SPATA6: variants seen among roughly 807,000 people sequenced by gnomAD.
SPATA6 encodes spermatogenesis-associated protein 6.
In SPATA6, 56 loss-of-function variants were observed where a neutral mutation model predicts 65.3. That is an observed-to-expected ratio of 0.86 (90% CI 0.69 to 1.07). The LOEUF (loss-of-function observed/expected upper bound fraction) is 1.07, where lower values mean the gene tolerates loss of function less well. Ranked by LOEUF, SPATA6 falls within the 50% of genes least tolerant of loss-of-function variation. The probability of loss-of-function intolerance (pLI) is 0.00; values close to 1 mark genes in which losing one functional copy is unlikely to be tolerated. For missense variants in SPATA6, 590 were observed against 594.8 expected (o/e 0.99, Z 0.08); for synonymous variants, 199 against 213.2 (o/e 0.93, Z 0.58).
At chr1:48,363,248 A>G (rs1570303075) in intron 9 of SPATA6, among the ~76,000 whole-genome samples, 1 of 152,170 alleles carries the variant, frequency 6.6e-6, no homozygotes, top group East Asian at 1.9e-4. Context: ...CCTTAGCTTA[A>G]AAAATGTTTC....
At chr1:48,408,476 A>G (rs76218052) in intron 5 of SPATA6, among the ~76,000 whole-genome samples, 3,764 of 152,290 alleles carry the variant, frequency 0.025, 99 homozygotes, top group African/African-American at 0.067. Context: ...TTATATACAT[A>G]TTTTACAATT....
chr1:48,267,492 A>G, the SPATA6 span, among the ~76,000 whole-genome samples: 6 of 151,974 alleles, frequency 3.9e-5, no homozygotes, highest in Non-Finnish European at 8.8e-5. Context: ...AGATCTCAGC[A>G]GATGGATGGG....
chr1:48,325,405 G>C (rs1358207078), intron 11 of SPATA6: 2 of 1,373,376 alleles, frequency 1.5e-6, no homozygotes, highest in Non-Finnish European at 1.0e-6. Context: ...AAGGAGCCAG[G>C]GCCCTCCCCC....
In SPATA6 at chr1:48,411,592, C is replaced by T; in HGVS notation, c.281-4G>A. The T allele has an allele frequency of 1.9e-6, 3 of 1,558,422 alleles. No homozygotes were observed. The highest frequency in any genetic ancestry group is 2.6e-6 in the Non-Finnish European group (3 of 1,154,990). On this transcript the variant is annotated splice_polypyrimidine_tract_variant and splice_region_variant and intron_variant, in intron 4 of 12. Transcript: ENST00000371847. ...TACGTAGACAGTGTTTCACCCACTA[C>T]AAGAAAGATACCCTATGATTCAAAT...
At chr1:48,364,056 G>GT (rs1483776987) in intron 9 of SPATA6, among the ~76,000 whole-genome samples, 2 of 151,900 alleles carry the variant, frequency 1.3e-5, no homozygotes, top group Non-Finnish European at 2.9e-5. Context: ...GTGGTGTTTG[G>GT]TTTTTTGTCC....
intron 3 of SPATA6, among the ~76,000 whole-genome samples, chr1:48,433,883 C>T (rs1654631846): frequency 6.6e-6 from 1 of 152,158 alleles, no homozygotes; most frequent in South Asian, 2.1e-4. Context: ...CAGGTAAGAA[C>T]TAATTCCTAG....
chr1:48,267,752 GTTTTTTTTTTTT>G, the SPATA6 span, among the ~76,000 whole-genome samples: 6 of 72,676 alleles, frequency 8.3e-5, no homozygotes, highest in Non-Finnish European at 1.4e-4. Flanking sequence ...TAGGGTCTGG[GTTTTTTTTTTTT>G]TTTTTTTTTT....
At chr1:48,351,084 ATTTTAGCT>A (rs1433638193) in intron 11 of SPATA6, among the ~76,000 whole-genome samples, 3 of 151,924 alleles carry the variant, frequency 2.0e-5, no homozygotes, top group African/African-American at 7.2e-5. Context: ...TATTGTTAGA[ATTTTAGCT>A]AAGCACTTAA....
intron 11 of SPATA6, among the ~76,000 whole-genome samples, chr1:48,341,596 G>C (rs1213982372): frequency 2.6e-5 from 4 of 152,150 alleles, no homozygotes; most frequent in African/African-American, 9.7e-5. Context: ...ATATGCCAAA[G>C]CAAATCAGTA....
At chr1:48,392,785 A>G (rs1167311484) in intron 8 of SPATA6, among the ~76,000 whole-genome samples, 1 of 152,156 alleles carries the variant, frequency 6.6e-6, no homozygotes, top group South Asian at 2.1e-4. Context: ...AATTTCTATT[A>G]AAGTAAAATC....
rs202223980 is a variant in SPATA6, at chr1:48,301,502, T to TA, written c.1287-2610dup. Among the ~76,000 whole-genome samples the TA allele has an allele frequency of 4.1e-3, 609 of 148,162 alleles. 7 individuals are homozygous for TA. The South Asian group carries it at 0.044, about 11-fold the overall frequency. On this transcript the variant is annotated intron_variant, in intron 12 of 12. Coordinates refer to ENST00000371847, the MANE Select transcript of SPATA6 (RefSeq NM_019073.4). ...ATGACATTCTACACAGCAATAATAA[T>TA]AAAAAAATCCTAAAATTTATTTGGA... is the stretch of plus-strand genomic sequence containing the variant.
intron 3 of SPATA6, among the ~76,000 whole-genome samples, chr1:48,414,826 A>T (rs968459671): frequency 2.0e-5 from 3 of 152,244 alleles, no homozygotes; most frequent in Admixed American, 6.5e-5. Flanking sequence ...GCAAAAAAAC[A>T]GTTTGAAGAG....
chr1:48,449,774 G>A (rs1656394362), intron 3 of SPATA6, among the ~76,000 whole-genome samples: 1 of 152,176 alleles, frequency 6.6e-6, no homozygotes, highest in South Asian at 2.1e-4. Context: ...ATTTTGTTAG[G>A]TGTGATACCA....
chr1:48,437,956 C>T (rs1482214627), intron 3 of SPATA6, among the ~76,000 whole-genome samples: 1 of 150,794 alleles, frequency 6.6e-6, no homozygotes. Flanking sequence ...TGTAAACACA[C>T]CAATCAGCAC....
intron 10 of SPATA6, among the ~76,000 whole-genome samples, chr1:48,358,727 C>T (rs545465802): frequency 6.6e-6 from 1 of 152,246 alleles, no homozygotes; most frequent in Non-Finnish European, 1.5e-5. Flanking sequence ...CATGATCCCC[C>T]ACTATCCCGC....
Position 48,321,209 on chromosome 1 carries a change from A to G in SPATA6, c.1195-15331T>C, listed in dbSNP as rs150095574. ...AAAATGGACAGACTTCTCCGCTCAA[A>G]AGAAATGGAGTGGTGAAATAAATTA... On this transcript the variant is annotated intron_variant, in intron 11 of 12. Transcript: ENST00000371847. Among the ~76,000 whole-genome samples the G allele has an allele frequency of 3.0e-4, 45 of 152,250 alleles. No individual in the cohort carries two copies. The East Asian group carries it at 8.1e-3, about 27-fold the overall frequency.
In SPATA6 at chr1:48,295,590, G is replaced by C. The variant is rs2148626812; in HGVS notation, c.*3123C>G. The C allele has an allele frequency of 1.3e-5, 2 of 152,258 alleles. No homozygotes were observed. Among genetic ancestry groups the C allele is most frequent in the Admixed American group, 1.3e-4 (2 of 15,272 alleles). 9.4% of individuals were successfully genotyped at this position (152,258 alleles called of 1,614,324 possible). ...AGGAGTTGTGGGGAGGAGGTAGTGG[G>C]AAGTGATCACTAATGGTTACAGGAT... is the stretch of plus-strand genomic sequence containing the variant. On this transcript the variant is annotated 3_prime_UTR_variant, in exon 13 of 13. Transcript: ENST00000371847.
rs573613996 is a variant in SPATA6, at chr1:48,330,722, C to T, written c.1195-24844G>A. On this transcript the variant is annotated intron_variant, in intron 11 of 12. Transcript: ENST00000371847. ...GCCTGAAAGGCAGGGCTGGAAACCC[C>T]ACCAATCCCTAGCTACCCATAGCCA... is the stretch of plus-strand genomic sequence containing the variant. 2.6e-5 allele frequency among the ~76,000 whole-genome samples: 4 copies of T among 152,376 alleles called. No individual in the cohort carries two copies. In the South Asian group the frequency reaches 8.3e-4, roughly 32 times the overall value.
intron 9 of SPATA6, among the ~76,000 whole-genome samples, chr1:48,382,671 G>A (rs1262626362): frequency 2.8e-4 from 18 of 64,364 alleles, no homozygotes; most frequent in African/African-American, 7.2e-4. Flanking sequence ...GCGGCTGGCC[G>A]GGCAGAGGGG....
Sources: gnomAD v4.1 joint callset for allele counts (sites outside exome capture counted in the v4.1 genomes callset) on GRCh38, gnomAD v4.1.1 for gene constraint, MANE v1.5 for transcripts, NCBI Gene and HGNC (gene_info 2026-07-23, HGNC 2026-07-21) for gene names.